Variants in WDHD1 observed in about 807,000 individuals in gnomAD.
WDHD1 encodes the protein WD repeat and HMG-box DNA binding protein 1, also known as WD repeat and HMG-box DNA-binding protein 1.
In WDHD1, 111 loss-of-function variants were observed where a neutral mutation model predicts 135.4. The observed-to-expected ratio is 0.82, with a 90% CI of 0.70 to 0.96. The LOEUF (loss-of-function observed/expected upper bound fraction) is 0.96, where lower values mean the gene tolerates loss of function less well. Ranked by LOEUF, WDHD1 falls within the 40% of genes least tolerant of loss-of-function variation. The pLI is 0.00. For missense variants in WDHD1, 1,351 were observed against 1,336.3 expected, an observed-to-expected ratio of 1.01 and a Z score of -0.17; for synonymous variants, 434 against 439.0, an observed-to-expected ratio of 0.99 and a Z score of 0.14.
intron 7 of WDHD1, among the ~76,000 whole-genome samples, chr14:55,004,401 T>C (rs1318294206): frequency 1.3e-5 from 2 of 152,362 alleles, no homozygotes; most frequent in East Asian, 3.9e-4. Flanking sequence ...ACTTTTCTTT[T>C]TCAAAACTTT....
At chr14:54,979,770 G>A (rs1282870849) in intron 16 of WDHD1, among the ~76,000 whole-genome samples, 3 of 152,180 alleles carry the variant, frequency 2.0e-5, no homozygotes, top group Non-Finnish European at 4.4e-5. Flanking sequence ...ACTATCCACT[G>A]AGTTTCTCTC....
chr14:54,977,172 T>C (rs1262224948), intron 16 of WDHD1, among the ~76,000 whole-genome samples: 1 of 151,964 alleles, frequency 6.6e-6, no homozygotes, highest in Admixed American at 6.6e-5. Flanking sequence ...TATGTAAAAA[T>C]TGGGGAGAAG....
intron 7 of WDHD1, among the ~76,000 whole-genome samples, chr14:55,003,841 G>C (rs923330155): frequency 6.6e-6 from 1 of 152,144 alleles, no homozygotes; most frequent in Non-Finnish European, 1.5e-5. Flanking sequence ...TGGGATTATA[G>C]GCGTGAGCCA....
At chr14:55,020,562 A>T (rs1407952665) in intron 2 of WDHD1, among the ~76,000 whole-genome samples, 2 of 152,146 alleles carry the variant, frequency 1.3e-5, no homozygotes, top group Non-Finnish European at 2.9e-5. Flanking sequence ...CTCCTTCCCT[A>T]GGTGACTTCA....
At chr14:55,019,393 A>C (rs763964946) in intron 2 of WDHD1, among the ~76,000 whole-genome samples, 2 of 152,188 alleles carry the variant, frequency 1.3e-5, no homozygotes, top group Non-Finnish European at 2.9e-5. Flanking sequence ...AACTATTGGC[A>C]TAAGGGTGTC....
chr14:55,024,475 A>T (rs1349192011), intron 2 of WDHD1, among the ~76,000 whole-genome samples: 1 of 152,094 alleles, frequency 6.6e-6, no homozygotes, highest in Non-Finnish European at 1.5e-5. Context: ...CTTTTTAAAT[A>T]TTTCCTGAAT....
intron 2 of WDHD1, among the ~76,000 whole-genome samples, chr14:55,024,257 A>C (rs1458609911): frequency 6.6e-6 from 1 of 152,190 alleles, no homozygotes; most frequent in African/African-American, 2.4e-5. Context: ...CTAGGTGAAT[A>C]TCTCAAAGAA....
intron 2 of WDHD1, among the ~76,000 whole-genome samples, chr14:55,022,819 T>C (rs932101540): frequency 2.1e-4 from 32 of 150,054 alleles, no homozygotes; most frequent in African/African-American, 7.7e-4. Flanking sequence ...TGACCCTTTC[T>C]CTTTCTTTTT....
intron 24 of WDHD1, among the ~76,000 whole-genome samples, chr14:54,945,181 C>T (rs184103524): frequency 2.6e-5 from 4 of 152,154 alleles, no homozygotes; most frequent in East Asian, 1.9e-4. Flanking sequence ...CCTTTGCCAT[C>T]GCCTCACCCT....
chr14:54,951,743 A>T (rs2140154520), intron 24 of WDHD1, among the ~76,000 whole-genome samples: 1 of 152,324 alleles, frequency 6.6e-6, no homozygotes, highest in East Asian at 1.9e-4. Flanking sequence ...TCGATGCAAA[A>T]ATCCTCAGTA....
chr14:55,016,569 A>G (rs1314325335), intron 2 of WDHD1, among the ~76,000 whole-genome samples: 1 of 152,222 alleles, frequency 6.6e-6, no homozygotes, highest in Non-Finnish European at 1.5e-5. Flanking sequence ...GGTGATTTAT[A>G]TCTTGTGAAG....
chr14:54,991,370 A>C lies in WDHD1; in HGVS notation c.1184T>G (p.Leu395Arg), dbSNP rs1252818154. 6.2e-7 allele frequency: 1 copy of C among 1,614,082 alleles called. No individual in the cohort carries two copies. The highest frequency in any genetic ancestry group is 2.2e-5 in the East Asian group (1 of 44,900). ...DISMLKTGSS[L>R]LKEEEEDGQE... ...ACCATCTTCCTCCTCCTCTTTGAGAAGACTAGAACCAGTTTTTAGCATTGA... is the reference window on the plus strand; with the variant it reads ...ACCATCTTCCTCCTCCTCTTTGAGACGACTAGAACCAGTTTTTAGCATTGA... Residue 395 changes from leucine (L) to arginine (R), a missense_variant, in exon 12 of 26, where the codon CTT (leucine) becomes CGT (arginine). Coordinates refer to ENST00000360586, the MANE Select transcript of WDHD1 (RefSeq NM_007086.4).
chr14:54,971,146 C>T (rs1333038546), intron 16 of WDHD1, among the ~76,000 whole-genome samples: 1 of 152,164 alleles, frequency 6.6e-6, no homozygotes, highest in African/African-American at 2.4e-5. Context: ...AGAAGAAACC[C>T]TAGCAAATAC....
chr14:54,986,456 C>CCA (rs1394312300), intron 14 of WDHD1, among the ~76,000 whole-genome samples: 2 of 152,102 alleles, frequency 1.3e-5, no homozygotes, highest in East Asian at 3.9e-4. Context: ...GTGTGAGCCA[C>CCA]CACACCACAC....
At chr14:55,018,767 T>C (rs988958756) in intron 2 of WDHD1, among the ~76,000 whole-genome samples, 3 of 152,224 alleles carry the variant, frequency 2.0e-5, no homozygotes, top group African/African-American at 7.2e-5. Flanking sequence ...AAAAATATTA[T>C]AGTCTAGGCC....
chr14:55,020,010 A>G (rs1249409719), intron 2 of WDHD1, among the ~76,000 whole-genome samples: 1 of 152,194 alleles, frequency 6.6e-6, no homozygotes, highest in Non-Finnish European at 1.5e-5. Flanking sequence ...AGAGAGCAAC[A>G]TTCCTTCCCT....
intron 19 of WDHD1, 24 bp from the exon 20 acceptor site, chr14:54,962,877 A>G (rs773667099): frequency 5.6e-6 from 9 of 1,610,970 alleles, no homozygotes; most frequent in Non-Finnish European, 6.8e-6. Context: ...ATATTATTCA[A>G]TAAAGAGCTA....
Position 55,000,567 on chromosome 14 carries a change from G to C in WDHD1, c.878C>G (p.Ala293Gly), listed in dbSNP as rs774828027. The C allele has an allele frequency of 1.9e-6, 3 of 1,608,980 alleles. No homozygotes were observed. The highest frequency in any genetic ancestry group is 2.5e-6 in the Non-Finnish European group (3 of 1,177,596). ...CTCTAGAAGCCCTAGATTTCCTTCC[G>C]CATCAGTATACGATATTCGACCACA... ...PTCGRISYTD[A>G]EGNLGLLENV... The change falls in exon 10 of 26, where the codon GCG becomes GGG. Residue 293 changes from alanine to glycine, a missense_variant. By Grantham distance (60) the Ala-to-Gly change is moderately conservative. This residue lies in a region of WDHD1 where 1,330 missense variants were observed against 1,296.1 expected (regional missense o/e 1.03). Coordinates refer to ENST00000360586, the MANE Select transcript of WDHD1 (RefSeq NM_007086.4).
chr14:54,995,859 G>C, intron 10 of WDHD1, 46 bp from the exon 11 acceptor site: 1 of 1,424,992 alleles, frequency 7.0e-7, no homozygotes, highest in Non-Finnish European at 9.3e-7. Flanking sequence ...GAATGATTTA[G>C]AAAAACTCAA....
Sources: gnomAD v4.1 joint callset for allele counts (sites outside exome capture counted in the v4.1 genomes callset) on GRCh38, gnomAD v4.1.1 for gene constraint, gnomAD v4.1.1 regional missense constraint, MANE v1.5 for transcripts, NCBI Gene and HGNC (gene_info 2026-07-23, HGNC 2026-07-21) for gene names.